The following DST variants were observed in gnomAD, a reference collection of about 807,000 sequenced individuals.
DST encodes bullous pemphigoid antigen.
DST carries 253 observed loss-of-function variants against 875.2 expected under a neutral mutation model. That is an observed-to-expected ratio of 0.29 (90% confidence interval 0.26 to 0.32). DST has a LOEUF of 0.32. DST is among the 10% of genes least tolerant of loss of function. The pLI is 1.00. For synonymous variants in DST, 3,124 were observed against 3,197.1 expected, an observed-to-expected ratio of 0.98 and a Z score of 0.77; for missense variants, 8,287 against 9,111.6, an observed-to-expected ratio of 0.91 and a Z score of 3.68.
At chr6:56,472,005 T>A (rs2094922306) in intron 94 of DST, 54 bp downstream of exon 94, 4 of 1,579,276 alleles carry the variant, frequency 2.5e-6, no homozygotes, top group Non-Finnish European at 3.5e-6. Flanking sequence ...GGCAATGTGT[T>A]ATGAGGAATG....
chr6:56,674,164 C>A (rs2099116648), intron 9 of DST, among the ~76,000 whole-genome samples: 1 of 152,178 alleles, frequency 6.6e-6, no homozygotes, highest in South Asian at 2.1e-4. Context: ...AGCTACCTCC[C>A]TTCAAAACCC....
rs374134391 is a variant in DST at position 56,600,230 on chromosome 6, A to T, written c.11542-9T>A. 1.9e-5 allele frequency: 31 copies of T among 1,608,782 alleles called. No individual in the cohort carries two copies. The African/African-American group carries it at 3.1e-4, about 16-fold the overall frequency. Reference sequence around the variant, plus strand: ...TGACGCTCTGCTACAATCTAAAGTGAAGAAAACCCAAAACATCTTAAATGT... The same window carrying T: ...TGACGCTCTGCTACAATCTAAAGTGTAGAAAACCCAAAACATCTTAAATGT... On this transcript the variant is annotated splice_polypyrimidine_tract_variant and intron_variant, in intron 44 of 103. Coordinates refer to ENST00000680361, the MANE Select transcript of DST (RefSeq NM_001374736.1).
rs17831310 is a variant in DST, at chr6:56,861,844, C to T, written c.418-10240G>A. The T allele has an allele frequency of 0.014, 2,172 of 152,280 alleles. 136 individuals carry two copies. The East Asian group carries it at 0.2, about 14-fold the overall frequency. 9.4% of individuals were successfully genotyped at this position (152,280 alleles called of 1,614,324 possible). On this transcript the variant is annotated intron_variant, in intron 3 of 103. Coordinates refer to ENST00000680361, the MANE Select transcript of DST (RefSeq NM_001374736.1). Reference sequence around the variant, plus strand: ...ATCTTACAGGACCCCAGAACCTTAACACAATTCTGAGGTGGAAGAAATGGG... The same window carrying T: ...ATCTTACAGGACCCCAGAACCTTAATACAATTCTGAGGTGGAAGAAATGGG...
intron 23 of DST, among the ~76,000 whole-genome samples, 199 bp downstream of exon 23, chr6:56,636,358 G>GTGTATACGTA (rs2098825550): frequency 6.7e-6 from 1 of 149,114 alleles, no homozygotes; most frequent in Non-Finnish European, 1.5e-5. Flanking sequence ...GTATATATAT[G>GTGTATACGTA]TGTGTGTATA....
chr6:56,720,923 G>GGGC (rs966537098), intron 5 of DST, among the ~76,000 whole-genome samples: 1 of 147,512 alleles, frequency 6.8e-6, no homozygotes, highest in African/African-American at 2.7e-5. Flanking sequence ...TTCCCAGATG[G>GGGC]GGCGGCCAGG....
intron 4 of DST, among the ~76,000 whole-genome samples, chr6:56,765,424 G>A (rs1044005813): frequency 6.6e-6 from 1 of 152,186 alleles, no homozygotes; most frequent in Non-Finnish European, 1.5e-5. Context: ...ACTCAAGGAA[G>A]AAGTCAGGTA....
chr6:56,781,754 A>G (rs1304321981), intron 4 of DST, among the ~76,000 whole-genome samples: 1 of 152,066 alleles, frequency 6.6e-6, no homozygotes, highest in Non-Finnish European at 1.5e-5. Flanking sequence ...AACTTTCAAC[A>G]CTATGTTGAA....
intron 102 of DST, 154 bp from the exon 103 acceptor site, chr6:56,460,408 T>C: frequency 1.7e-6 from 1 of 592,168 alleles, no homozygotes; most frequent in Non-Finnish European, 2.7e-6. Flanking sequence ...AGGCATGGGG[T>C]TCTCACTTGA....
intron 49 of DST, among the ~76,000 whole-genome samples, chr6:56,580,253 G>A (rs9349832): frequency 0.44 from 67,284 of 151,926 alleles, 15,579 homozygotes; most frequent in African/African-American, 0.55. Flanking sequence ...CAAAATATAA[G>A]TAAAGTATTT....
chr6:56,646,959 C>G (rs2098946396), intron 13 of DST, among the ~76,000 whole-genome samples: 3 of 152,162 alleles, frequency 2.0e-5, no homozygotes, highest in Non-Finnish European at 2.9e-5. Context: ...CTGAAGGATT[C>G]CATTCAAAGT....
intron 3 of DST, among the ~76,000 whole-genome samples, chr6:56,852,536 A>G (rs1765789395): frequency 6.6e-6 from 1 of 152,168 alleles, no homozygotes; most frequent in South Asian, 2.1e-4. Flanking sequence ...AAAAGTGTTA[A>G]TATCTTCCAT....
intron 57 of DST, 42 bp downstream of exon 57, chr6:56,561,266 A>G (rs1166031761): frequency 6.4e-7 from 1 of 1,558,030 alleles, no homozygotes; most frequent in Non-Finnish European, 8.7e-7. Flanking sequence ...CTGCTAATCC[A>G]TTCTCTTTCA....
chr6:56,672,898 C>T (rs1325757114), intron 9 of DST, among the ~76,000 whole-genome samples: 2 of 152,118 alleles, frequency 1.3e-5, no homozygotes, highest in Non-Finnish European at 2.9e-5. Flanking sequence ...AAATTTGCTG[C>T]CTTAAACTAA....
intron 2 of DST, among the ~76,000 whole-genome samples, chr6:56,916,753 A>ATCTCTCTC (rs70989741): frequency 0.023 from 2,203 of 94,962 alleles, 42 homozygotes; most frequent in East Asian, 0.068. Context: ...CTCTCTCTCT[A>ATCTCTCTC]TCTCTCTCTC....
intron 5 of DST, among the ~76,000 whole-genome samples, chr6:56,723,013 A>G (rs1227501214): frequency 6.6e-6 from 1 of 152,234 alleles, no homozygotes; most frequent in Non-Finnish European, 1.5e-5. Flanking sequence ...ATCTTATCAC[A>G]TGAGAATAAA....
intron 4 of DST, among the ~76,000 whole-genome samples, chr6:56,794,288 A>G (rs2099736041): frequency 6.6e-6 from 1 of 152,192 alleles, no homozygotes. Context: ...TACCACAATC[A>G]TATTATTCAG....
chr6:56,782,380 G>T (rs956246376), intron 4 of DST, among the ~76,000 whole-genome samples: 4 of 152,076 alleles, frequency 2.6e-5, no homozygotes, highest in African/African-American at 9.7e-5. Flanking sequence ...GTAAGCTATT[G>T]ATTATTGCCA....
chr6:56,504,354 C>T (rs1190684049), intron 77 of DST, among the ~76,000 whole-genome samples: 1 of 151,974 alleles, frequency 6.6e-6, no homozygotes, highest in African/African-American at 2.4e-5. Context: ...ATATTATGAA[C>T]TTCTAAAAAA....
chr6:56,585,592 C>T (rs2098130644), intron 49 of DST, among the ~76,000 whole-genome samples: 1 of 152,076 alleles, frequency 6.6e-6, no homozygotes, highest in South Asian at 2.1e-4. Flanking sequence ...GTCTCTATTT[C>T]CTTCAGTTCT....
Sources: allele counts gnomAD v4.1 joint callset (sites outside exome capture counted in the v4.1 genomes callset), GRCh38; gene constraint gnomAD v4.1.1; transcripts MANE v1.5; gene names NCBI Gene and HGNC (gene_info 2026-07-23, HGNC 2026-07-21).